EYS: variants seen among roughly 807,000 people sequenced by gnomAD.
EYS encodes EGF-like photoreceptor maintenance factor.
In EYS, 250 loss-of-function variants were observed where a neutral mutation model predicts 282.1. The observed-to-expected ratio is 0.89, with a 90% CI of 0.80 to 0.98. The LOEUF (loss-of-function observed/expected upper bound fraction) is 0.98. EYS is among the 50% of genes least tolerant of loss of function. The pLI is 0.00. For synonymous variants in EYS, 1,355 were observed against 1,282.9 expected (o/e 1.06, Z -1.20); for missense variants, 4,016 against 3,709.0 (o/e 1.08, Z -2.15).
chr6:64,501,897 G>A (rs1777057451), intron 26 of EYS, among the ~76,000 whole-genome samples: 2 of 152,122 alleles, frequency 1.3e-5, no homozygotes, highest in Admixed American at 6.6e-5. Flanking sequence ...GAGGACATTA[G>A]CACCAGACTG....
intron 2 of EYS, among the ~76,000 whole-genome samples, chr6:65,585,140 A>G (rs1765000693): frequency 1.3e-5 from 2 of 151,920 alleles, no homozygotes; most frequent in South Asian, 4.1e-4. Context: ...TACTTACAAT[A>G]AAGCATTAAT....
intron 26 of EYS, among the ~76,000 whole-genome samples, chr6:64,491,739 C>A (rs1318745593): frequency 6.6e-6 from 1 of 151,014 alleles, no homozygotes; most frequent in Non-Finnish European, 1.5e-5. Flanking sequence ...ACATAACTCA[C>A]AAGCAGAGCT....
intron 26 of EYS, among the ~76,000 whole-genome samples, chr6:64,579,743 T>A (rs1766000485): frequency 6.6e-6 from 1 of 152,120 alleles, no homozygotes; most frequent in Non-Finnish European, 1.5e-5. Flanking sequence ...GTCCTGAAAT[T>A]CTGCTGTACT....
At chr6:63,939,748 A>G (rs531731047) in intron 35 of EYS, among the ~76,000 whole-genome samples, 4 of 152,342 alleles carry the variant, frequency 2.6e-5, no homozygotes, top group Non-Finnish European at 4.4e-5. Context: ...TGCATAATAC[A>G]TATGTAGATA....
intron 19 of EYS, among the ~76,000 whole-genome samples, chr6:64,839,789 C>T (rs1473697052): frequency 6.6e-6 from 1 of 151,950 alleles, no homozygotes; most frequent in Non-Finnish European, 1.5e-5. Flanking sequence ...ACCCTGTGTT[C>T]TCACATAATA....
chr6:64,058,522 A>T (rs781099759), intron 33 of EYS, among the ~76,000 whole-genome samples: 1 of 152,200 alleles, frequency 6.6e-6, no homozygotes, highest in Non-Finnish European at 1.5e-5. Context: ...AAATATACAA[A>T]ATATAAATGT....
At chr6:65,551,058 G>A (rs77434748) in intron 2 of EYS, among the ~76,000 whole-genome samples, 2 of 56,826 alleles carry the variant, frequency 3.5e-5, no homozygotes, top group Non-Finnish European at 2.8e-5. Flanking sequence ...ACAAATCATG[G>A]GTGAACTCCC....
chr6:64,288,381 G>T (rs899509261), intron 30 of EYS, among the ~76,000 whole-genome samples: 5 of 152,058 alleles, frequency 3.3e-5, no homozygotes, highest in African/African-American at 9.7e-5. Flanking sequence ...TTTCCAAAGT[G>T]GAATGTACCA....
intron 35 of EYS, among the ~76,000 whole-genome samples, chr6:63,872,031 C>G (rs892436426): frequency 2.0e-5 from 3 of 152,184 alleles, no homozygotes; most frequent in Admixed American, 6.5e-5. Context: ...TCAGCAGCAC[C>G]TTCAAGTGTG....
chr6:64,232,849 A>C (rs1442549514), intron 30 of EYS, among the ~76,000 whole-genome samples: 1 of 152,238 alleles, frequency 6.6e-6, no homozygotes. Flanking sequence ...ATATTGCTCT[A>C]TCAGAAAATT....
intron 12 of EYS, among the ~76,000 whole-genome samples, chr6:65,131,919 G>A (rs145582904): frequency 1.3e-5 from 2 of 151,728 alleles, no homozygotes; most frequent in African/African-American, 4.8e-5. Flanking sequence ...AAAAATAACT[G>A]TCAGAAACTA....
intron 31 of EYS, among the ~76,000 whole-genome samples, chr6:64,143,748 T>G (rs1230070370): frequency 1.3e-5 from 2 of 152,214 alleles, no homozygotes; most frequent in African/African-American, 2.4e-5. Flanking sequence ...CACAGTCTCT[T>G]TATTCCACAA....
rs565272705 is a variant in EYS, at chr6:64,360,499, T to C, written c.6078+28191A>G. On this transcript the variant is annotated intron_variant, in intron 29 of 42. Coordinates refer to ENST00000503581, the MANE Select transcript of EYS (RefSeq NM_001142800.2). ...TCTTGGTACACTAGACTTGGTGCTA[T>C]TCCTGACCTGGAAGTAACATATGAG... 1.3e-4 allele frequency among the ~76,000 whole-genome samples: 20 copies of C among 151,822 alleles called. No homozygotes were observed. In the South Asian group the frequency reaches 3.3e-3, roughly 25 times the overall value.
At chr6:65,163,395 C>T (rs533378106) in intron 12 of EYS, among the ~76,000 whole-genome samples, 7 of 151,224 alleles carry the variant, frequency 4.6e-5, no homozygotes, top group African/African-American at 1.2e-4. Context: ...TGAAATTAAA[C>T]ACTGCATTAA....
intron 39 of EYS, 125 bp downstream of exon 39, chr6:63,787,980 C>A: frequency 1.5e-6 from 1 of 683,620 alleles, no homozygotes; most frequent in Non-Finnish European, 2.3e-6. Flanking sequence ...TAAAATCAAA[C>A]TTTGTTCAAG....
intron 5 of EYS, among the ~76,000 whole-genome samples, chr6:65,423,359 G>C (rs1302195764): frequency 6.6e-6 from 1 of 151,898 alleles, no homozygotes; most frequent in African/African-American, 2.4e-5. Flanking sequence ...TTAAAAGGCA[G>C]GTAATTTGTT....
intron 35 of EYS, among the ~76,000 whole-genome samples, chr6:63,958,888 T>C (rs1427942295): frequency 6.6e-6 from 1 of 152,178 alleles, no homozygotes; most frequent in Non-Finnish European, 1.5e-5. Flanking sequence ...AGATTCCCTT[T>C]GAAATGTGTT....
At chr6:63,986,262 TA>T (rs1183719980) in intron 34 of EYS, among the ~76,000 whole-genome samples, 2 of 151,478 alleles carry the variant, frequency 1.3e-5, no homozygotes, top group African/African-American at 2.4e-5. Flanking sequence ...TATTGAAAAG[TA>T]AAAAAATAAC....
At chr6:65,536,098 T>C (rs896335948) in intron 2 of EYS, among the ~76,000 whole-genome samples, 24 of 152,102 alleles carry the variant, frequency 1.6e-4, no homozygotes, top group African/African-American at 5.6e-4. Context: ...GATAGAATGA[T>C]ACATTCAAGT....
Sources: allele counts gnomAD v4.1 joint callset (sites outside exome capture counted in the v4.1 genomes callset), GRCh38; gene constraint gnomAD v4.1.1; transcripts MANE v1.5; gene names NCBI Gene and HGNC (gene_info 2026-07-23, HGNC 2026-07-21).